DCHS2: variants seen among roughly 807,000 people sequenced by gnomAD.
DCHS2 encodes dachsous cadherin-related 2.
DCHS2 carries 142 observed loss-of-function variants against 182.4 expected under a neutral mutation model. That is an observed-to-expected ratio of 0.78 (90% CI 0.68 to 0.89). The LOEUF is 0.89. Ranked by LOEUF, DCHS2 falls within the 40% of genes least tolerant of loss-of-function variation. The pLI is 0.00. For missense variants in DCHS2, 4,319 were observed against 4,198.6 expected (o/e 1.03, Z -0.79); for synonymous variants, 1,740 against 1,663.3 (o/e 1.05, Z -1.12).
intron 1 of DCHS2, among the ~76,000 whole-genome samples, chr4:154,401,747 C>A (rs553828287): frequency 3.9e-5 from 6 of 152,304 alleles, no homozygotes; most frequent in Admixed American, 2.6e-4. Context: ...AATCCCAGCA[C>A]TTTGGGAGGC....
intron 1 of DCHS2, among the ~76,000 whole-genome samples, chr4:154,432,760 C>A (rs1239414152): frequency 2.6e-5 from 4 of 152,152 alleles, no homozygotes; most frequent in African/African-American, 9.7e-5. Flanking sequence ...CCTAATCTTG[C>A]ATGGACCACA....
rs1233387109 is a variant in DCHS2, at chr4:154,321,099, G to A, written c.4300C>T (p.His1434Tyr). 1.9e-6 allele frequency: 3 copies of A among 1,607,696 alleles called. No homozygotes were observed. The African/African-American group carries it at 4.0e-5, about 22-fold the overall frequency. ...CTAAAATGTAACTTTCCATTATAAT[G>A]TTGTTGAAGGTGATCAGATGACTTT... Reference protein sequence around the residue: ...LIKSSDHLQQHYNGKLHFSIV... With the variant: ...LIKSSDHLQQYYNGKLHFSIV... The change falls in exon 9 of 20, where the codon CAT becomes TAT. Residue 1434 changes from histidine to tyrosine, a missense_variant. Physicochemically the swap from His to Tyr is moderately conservative, Grantham distance 83 (BLOSUM62 2). Coordinates refer to ENST00000357232, the MANE Select transcript of DCHS2 (RefSeq NM_001358235.2).
At chr4:154,447,275 G>C (rs954245579) in intron 1 of DCHS2, among the ~76,000 whole-genome samples, 1 of 152,108 alleles carries the variant, frequency 6.6e-6, no homozygotes, top group Non-Finnish European at 1.5e-5. Context: ...CTGGGCAACA[G>C]AGGAAAACTG....
At chr4:154,309,773 GATTA>G (rs1420085254) in intron 10 of DCHS2, among the ~76,000 whole-genome samples, 4 of 152,304 alleles carry the variant, frequency 2.6e-5, no homozygotes, top group Non-Finnish European at 5.9e-5. Flanking sequence ...GTGCTGTCAC[GATTA>G]ATTAAATTAT....
rs1448696033 is a variant in DCHS2 at position 154,255,805 on chromosome 4, C to T, written c.6790-135G>A. On this transcript the variant is annotated intron_variant, in intron 15 of 19. Coordinates refer to ENST00000357232, the MANE Select transcript of DCHS2 (RefSeq NM_001358235.2). ...TAAAAACAACGATGAAATGAAATAC[C>T]AACAGACAACTGAAGCTTACATTTA... is the stretch of plus-strand genomic sequence containing the variant. 3.8e-6 allele frequency: 5 copies of T among 1,311,542 alleles called. No individual in the cohort carries two copies. The East Asian group carries it at 1.1e-4, about 28-fold the overall frequency. The allele number at this position is 1,311,542 out of a possible 1,614,324, so 81.2% of individuals were successfully genotyped here.
Position 154,232,248 on chromosome 4 carries a change from T to TGAAA in DCHS2, c.*2284_*2287dup, listed in dbSNP as rs1371307313. On this transcript the variant is annotated 3_prime_UTR_variant, in exon 20 of 20. Transcript: ENST00000357232. ...TACTTAGGAAAAAAAGCACTCTAGT[T>TGAAA]GAAAGAGCTGACATACGATTTATTG... is the stretch of plus-strand genomic sequence containing the variant. The TGAAA allele has an allele frequency of 2.0e-5, 3 of 152,172 alleles. No individual in the cohort carries two copies. The highest frequency in any genetic ancestry group is 2.0e-4 in the Admixed American group (3 of 15,248). 9.4% of individuals were successfully genotyped at this position (152,172 alleles called of 1,614,324 possible).
chr4:154,336,854 C>A (rs1291981677), intron 3 of DCHS2, among the ~76,000 whole-genome samples: 2 of 152,126 alleles, frequency 1.3e-5, no homozygotes, highest in Non-Finnish European at 2.9e-5. Context: ...TAAGTCATTT[C>A]TCTCACAGTT....
At chr4:154,341,615 TAC>T (rs1213584032) in intron 3 of DCHS2, among the ~76,000 whole-genome samples, 1 of 151,258 alleles carries the variant, frequency 6.6e-6, no homozygotes, top group African/African-American at 2.5e-5. Flanking sequence ...CATATATATA[TAC>T]ACACACATAT....
intron 3 of DCHS2, among the ~76,000 whole-genome samples, chr4:154,360,918 TTGCTGTAAG>T (rs1459639167): frequency 6.6e-6 from 1 of 152,168 alleles, no homozygotes; most frequent in Non-Finnish European, 1.5e-5. Context: ...CATAAGCTTG[TTGCTGTAAG>T]TGCTACAAGA....
intron 1 of DCHS2, among the ~76,000 whole-genome samples, chr4:154,388,490 T>A (rs1161588912): frequency 2.2e-5 from 3 of 139,080 alleles, no homozygotes; most frequent in Non-Finnish European, 4.6e-5. Context: ...CAAAAATAGA[T>A]GTAATTTTTT....
chr4:154,253,107 C>T (rs1206832662), intron 16 of DCHS2, among the ~76,000 whole-genome samples: 3 of 67,858 alleles, frequency 4.4e-5, no homozygotes, highest in South Asian at 9.0e-4. Flanking sequence ...GGGTGGGGGG[C>T]GGGGTGTGGG....
intron 14 of DCHS2, among the ~76,000 whole-genome samples, chr4:154,261,077 TAG>T (rs750572861): frequency 6.6e-6 from 1 of 152,198 alleles, no homozygotes. Context: ...GTCCATCAAA[TAG>T]AGAGTTTCTG....
At chr4:154,394,789 A>G (rs906652732) in intron 1 of DCHS2, among the ~76,000 whole-genome samples, 3 of 152,210 alleles carry the variant, frequency 2.0e-5, no homozygotes, top group Non-Finnish European at 4.4e-5. Context: ...CCTGGCATCC[A>G]TATTTTAGAG....
At chr4:154,477,313 AAAC>A (rs2111030060) in intron 1 of DCHS2, among the ~76,000 whole-genome samples, 5 of 152,264 alleles carry the variant, frequency 3.3e-5, no homozygotes, top group Admixed American at 3.3e-4. Flanking sequence ...AACTTCATCT[AAAC>A]TAATTATCTC....
chr4:154,273,835 C>A (rs1371398024), intron 13 of DCHS2, among the ~76,000 whole-genome samples: 1 of 152,034 alleles, frequency 6.6e-6, no homozygotes, highest in African/African-American at 2.4e-5. Flanking sequence ...ATTACACATA[C>A]TGGTAAAAGT....
At position 154,354,141 on chromosome 4, in the gene DCHS2, G is replaced by T. The variant is rs377038971; in HGVS notation, c.2476+12069C>A. On this transcript the variant is annotated intron_variant, in intron 3 of 19. Transcript: ENST00000357232. ...GAGTTTCACCATGTTGCCCAGACTG[G>T]CCTCGAATTCCTGGGCTCAAGCCAT... Among the ~76,000 whole-genome samples, 9 of 152,054 alleles carry T rather than the reference G, an allele frequency of 5.9e-5. No homozygotes were observed. In the East Asian group the frequency reaches 7.7e-4, roughly 13 times the overall value.
intron 1 of DCHS2, among the ~76,000 whole-genome samples, chr4:154,414,881 C>A: frequency 6.6e-6 from 1 of 152,196 alleles, no homozygotes. Context: ...TTAGAATGAT[C>A]TGAACCTGTG....
intron 13 of DCHS2, among the ~76,000 whole-genome samples, chr4:154,293,182 G>A (rs1483601206): frequency 6.7e-6 from 1 of 149,672 alleles, no homozygotes; most frequent in Non-Finnish European, 1.5e-5. Context: ...ATGCGGGAAA[G>A]GGGTGGATAT....
In DCHS2 at chr4:154,426,734, G is replaced by A. The variant is rs1218084872; in HGVS notation, c.2053-49290C>T. 2.0e-5 allele frequency among the ~76,000 whole-genome samples: 3 copies of A among 148,288 alleles called. No homozygotes were observed. In the East Asian group the frequency reaches 5.8e-4, roughly 29 times the overall value. On this transcript the variant is annotated intron_variant, in intron 1 of 19. Transcript: ENST00000357232. ...GGATTCCTTGAGCTCAGGAGTTTGA[G>A]ACCAGCCTGGGCAACATAGTGAGAC...
Sources: gnomAD v4.1 joint callset for allele counts (sites outside exome capture counted in the v4.1 genomes callset) on GRCh38, gnomAD v4.1.1 for gene constraint, MANE v1.5 for transcripts, NCBI Gene and HGNC (gene_info 2026-07-23, HGNC 2026-07-21) for gene names.